Variants in EPB41L2 observed in about 807,000 individuals in gnomAD.
EPB41L2 encodes the protein erythrocyte membrane protein band 4.1 like 2.
EPB41L2 carries 43 observed loss-of-function variants against 113.0 expected under a neutral mutation model. The ratio of observed to expected loss-of-function variants is 0.38; its 90% CI spans 0.30 to 0.49. EPB41L2 has a LOEUF of 0.49. Ranked by LOEUF, EPB41L2 falls within the 20% of genes least tolerant of loss-of-function variation. The pLI, the probability that EPB41L2 is intolerant of heterozygous loss-of-function variation, is 0.95. For missense variants in EPB41L2, 1,147 were observed against 1,223.4 expected (o/e 0.94, Z 0.93); for synonymous variants, 442 against 436.7 (o/e 1.01, Z -0.15).
intron 16 of EPB41L2, among the ~76,000 whole-genome samples, chr6:130,867,230 A>C (rs1213834403): frequency 6.6e-6 from 1 of 152,178 alleles, no homozygotes; most frequent in Admixed American, 6.5e-5. Context: ...GTCCTAAATA[A>C]TCATATGTAC....
chr6:130,850,531 A>C (rs1221649073), intron 19 of EPB41L2, among the ~76,000 whole-genome samples: 2 of 152,118 alleles, frequency 1.3e-5, no homozygotes, highest in Non-Finnish European at 1.5e-5. Context: ...TCACAATATC[A>C]GCCTATATGG....
At chr6:131,006,337 A>G (rs897912217) in intron 1 of EPB41L2, among the ~76,000 whole-genome samples, 42 of 149,698 alleles carry the variant, frequency 2.8e-4, no homozygotes, top group Non-Finnish European at 5.2e-4. Flanking sequence ...GATTACAGGC[A>G]TGAGCCACCG....
intron 14 of EPB41L2, among the ~76,000 whole-genome samples, chr6:130,871,676 A>G (rs988767350): frequency 2.0e-5 from 3 of 152,234 alleles, no homozygotes; most frequent in African/African-American, 7.2e-5. Context: ...CATGTAAATC[A>G]CATTACTAAC....
intron 1 of EPB41L2, among the ~76,000 whole-genome samples, chr6:131,025,312 T>C (rs920010588): frequency 2.0e-5 from 3 of 152,222 alleles, no homozygotes; most frequent in African/African-American, 7.2e-5. Context: ...TAGTGCTAGC[T>C]ATTTTATTAT....
Position 130,944,172 on chromosome 6 carries a change from T to TACACAC in EPB41L2, c.705+10927_705+10932dup, listed in dbSNP as rs869217556. Among the ~76,000 whole-genome samples the TACACAC allele has an allele frequency of 3.5e-3, 437 of 125,634 alleles. 1 individual carries two copies. The highest frequency in any genetic ancestry group is 0.012 in the African/African-American group (378 of 31,392). 82.4% of individuals were successfully genotyped at this position (125,634 alleles called of 152,430 possible). On this transcript the variant is annotated intron_variant, in intron 3 of 19. Transcript: ENST00000337057. Reference sequence around the variant, plus strand: ...ATATATATACGTACATACACACACATACACACACACACACACACACACACA... The same window carrying TACACAC: ...ATATATATACGTACATACACACACATACACACACACACACACACACACACACACACA...
At chr6:130,977,365 C>A (rs1204193343) in intron 1 of EPB41L2, among the ~76,000 whole-genome samples, 1 of 152,074 alleles carries the variant, frequency 6.6e-6, no homozygotes, top group Non-Finnish European at 1.5e-5. Flanking sequence ...ATTTACATAG[C>A]AAATCAGTAG....
intron 1 of EPB41L2, among the ~76,000 whole-genome samples, chr6:131,020,239 T>C (rs1305522452): frequency 6.6e-6 from 1 of 152,316 alleles, no homozygotes; most frequent in Middle Eastern, 3.4e-3. Flanking sequence ...GCATTTTCGC[T>C]TTTTTTCATA....
rs1243342167 is a variant in EPB41L2 at position 130,890,407 on chromosome 6, C to T, written c.1547G>A (p.Arg516His). 5.6e-6 allele frequency: 9 copies of T among 1,608,464 alleles called. 1 individual carries two copies. Among genetic ancestry groups the T allele is most frequent in the Admixed American group, 3.4e-5 (2 of 59,180 alleles). Residue 516 changes from arginine to histidine, a missense_variant, in exon 11 of 20, where the codon CGC becomes CAC. Coordinates refer to ENST00000337057, the MANE Select transcript of EPB41L2 (RefSeq NM_001431.4). ...CTGTGCTTGGGTGCGGCCACTATAGCGAAATTTGGACCCCAAGGTCAGGAA... is the reference window on the plus strand; with the variant it reads ...CTGTGCTTGGGTGCGGCCACTATAGTGAAATTTGGACCCCAAGGTCAGGAA... ...AKFLTLGSKF[R>H]YSGRTQAQTR...
chr6:130,959,490 G>A (rs1818625243), intron 1 of EPB41L2, among the ~76,000 whole-genome samples: 1 of 152,142 alleles, frequency 6.6e-6, no homozygotes, highest in South Asian at 2.1e-4. Flanking sequence ...ATGTAGTGAG[G>A]CAGGGAGATC....
intron 1 of EPB41L2, among the ~76,000 whole-genome samples, chr6:131,006,513 C>T (rs902089569): frequency 6.6e-6 from 1 of 151,342 alleles, no homozygotes; most frequent in East Asian, 2.0e-4. Flanking sequence ...AACAAACAAA[C>T]AAAAAATTTA....
intron 1 of EPB41L2, among the ~76,000 whole-genome samples, chr6:131,058,227 T>G (rs750398814): frequency 6.6e-5 from 10 of 152,194 alleles, no homozygotes; most frequent in Non-Finnish European, 1.3e-4. Flanking sequence ...AGAAGCAGTA[T>G]GAATGCACTC....
intron 12 of EPB41L2, among the ~76,000 whole-genome samples, 171 bp downstream of exon 12, chr6:130,884,925 G>T (rs1174310485): frequency 3.9e-5 from 6 of 152,140 alleles, no homozygotes; most frequent in Non-Finnish European, 8.8e-5. Context: ...ATTCTGCTTT[G>T]AACAACAATC....
At position 130,972,707 on chromosome 6, in the gene EPB41L2, T is replaced by C. The variant is rs915610758; in HGVS notation, c.-14-16208A>G. 3.9e-5 allele frequency among the ~76,000 whole-genome samples: 6 copies of C among 152,124 alleles called. No individual in the cohort carries two copies. The South Asian group carries it at 1.2e-3, about 31-fold the overall frequency. On this transcript the variant is annotated intron_variant, in intron 1 of 19. Coordinates refer to ENST00000337057, the MANE Select transcript of EPB41L2 (RefSeq NM_001431.4). ...TCACATTCACCTACAGCAAAGTCTT[T>C]AATGGGTCTCTTGTAAATCGCAAAG...
At chr6:130,888,693 T>C (rs770288673) in intron 11 of EPB41L2, among the ~76,000 whole-genome samples, 1 of 152,200 alleles carries the variant, frequency 6.6e-6, no homozygotes, top group Non-Finnish European at 1.5e-5. Context: ...GGGCAAGGCT[T>C]GGGAAATATT....
chr6:130,954,288 C>T lies in EPB41L2; in HGVS notation c.705+817G>A, dbSNP rs576642330. Among the ~76,000 whole-genome samples, 13 of 151,822 alleles carry T rather than the reference C, an allele frequency of 8.6e-5. No homozygotes were observed. The East Asian group carries it at 1.6e-3, about 18-fold the overall frequency. On this transcript the variant is annotated intron_variant, in intron 3 of 19. Transcript: ENST00000337057. ...CAGGATGGTCTGGATCTCCTGACCT[C>T]GTGATCCGCCCGCCTTGGCCTCCCA... is the stretch of plus-strand genomic sequence containing the variant.
chr6:131,038,524 A>G (rs1793801524), intron 1 of EPB41L2, among the ~76,000 whole-genome samples: 1 of 152,210 alleles, frequency 6.6e-6, no homozygotes, highest in Non-Finnish European at 1.5e-5. Flanking sequence ...GTAATGGTCT[A>G]CTTATAGTTA....
intron 1 of EPB41L2, among the ~76,000 whole-genome samples, chr6:131,046,090 T>C (rs1377924649): frequency 1.3e-5 from 2 of 150,490 alleles, no homozygotes; most frequent in Non-Finnish European, 3.0e-5. Context: ...TTTTTTTTTT[T>C]TTTTTTTTTT....
At chr6:130,954,255 A>G (rs1214644692) in intron 3 of EPB41L2, among the ~76,000 whole-genome samples, 2 of 151,520 alleles carry the variant, frequency 1.3e-5, no homozygotes, top group African/African-American at 2.4e-5. Flanking sequence ...GGGTTTCACC[A>G]TGTTAGCCAG....
At chr6:130,859,292 C>T (rs775453530) in intron 18 of EPB41L2, among the ~76,000 whole-genome samples, 46 of 152,288 alleles carry the variant, frequency 3.0e-4, no homozygotes, top group Admixed American at 3.3e-4. Flanking sequence ...GACGCCAACG[C>T]GGGCGATCAC....
Sources: gnomAD v4.1 joint callset for allele counts (sites outside exome capture counted in the v4.1 genomes callset) on GRCh38, gnomAD v4.1.1 for gene constraint, MANE v1.5 for transcripts, NCBI Gene and HGNC (gene_info 2026-07-23, HGNC 2026-07-21) for gene names.